The following ZBTB4 variants were observed in gnomAD, a reference collection of about 807,000 sequenced individuals.
The protein encoded by ZBTB4 is zinc finger and BTB domain containing 4, also known as zinc finger and BTB domain-containing protein 4.
Under a neutral mutation model 59.8 loss-of-function variants are expected in ZBTB4, and 14 were observed. The observed-to-expected ratio is 0.23, with a 90% CI of 0.15 to 0.37. ZBTB4 has a LOEUF of 0.37. Among genes scored for constraint, ZBTB4 ranks in the 10% least tolerant of loss-of-function variants. The pLI, the probability that ZBTB4 is intolerant of heterozygous loss-of-function variation, is 1.00. For synonymous variants in ZBTB4, 587 were observed against 575.2 expected (o/e 1.02, Z -0.29); for missense variants, 1,198 against 1,380.8 (o/e 0.87, Z 2.10).
Position 7,463,497 on chromosome 17 carries a change from C to A in ZBTB4, c.1485G>T (p.Gly495=). ...GGSSSGGGGS[G]TASTGGSQAA... ...CTTGGGACCCTCCTGTGCTGGCCGTCCCACTCCCCCCTCCACCACTGCTAC... is the reference window on the plus strand; with the variant it reads ...CTTGGGACCCTCCTGTGCTGGCCGTACCACTCCCCCCTCCACCACTGCTAC... Residue 495 remains glycine, a synonymous_variant, in exon 4 of 4, where the codon GGG becomes GGT. Coordinates refer to ENST00000380599, the MANE Select transcript of ZBTB4 (RefSeq NM_001128833.2). 1 of 1,549,770 alleles carries A rather than the reference C, an allele frequency of 6.5e-7. No homozygotes were observed.
At chr17:7,471,888 T>C (rs1210388744) in intron 1 of ZBTB4, among the ~76,000 whole-genome samples, 1 of 152,150 alleles carries the variant, frequency 6.6e-6, no homozygotes, top group African/African-American at 2.4e-5. Context: ...GGTGGCTCTG[T>C]GGTTTTAGAG....
upstream of ZBTB4, chr17:7,482,532 G>C: frequency 6.2e-7 from 1 of 1,613,044 alleles, no homozygotes; most frequent in Admixed American, 1.7e-5. Flanking sequence ...CTACAGGAGG[G>C]GATCACGGGT....
At chr17:7,482,835 C>A (rs1056423177), upstream of ZBTB4, 1 of 1,611,940 alleles carries the variant, frequency 6.2e-7, no homozygotes, top group African/African-American at 1.3e-5. Flanking sequence ...CTGGTGTGCG[C>A]TGTCCTGCAT....
upstream of ZBTB4, chr17:7,484,213 C>T (rs888407039): frequency 6.4e-6 from 1 of 156,578 alleles, no homozygotes; most frequent in Non-Finnish European, 1.4e-5. Flanking sequence ...TTCAAAAGGT[C>T]GCCCAACCAG....
intron 1 of ZBTB4, 110 bp downstream of exon 1, chr17:7,479,346 G>T (rs556323980): frequency 1.3e-5 from 2 of 152,190 alleles, no homozygotes; most frequent in African/African-American, 2.4e-5. Context: ...AAGGAGAGCG[G>T]TCTGGGCGCG....
Position 7,465,517 on chromosome 17 carries a change from T to A in ZBTB4, c.1091+194A>T, listed in dbSNP as rs147902106. 4.7e-3 allele frequency among the ~76,000 whole-genome samples: 708 copies of A among 151,922 alleles called. 39 individuals carry two copies. The highest frequency in any genetic ancestry group is 0.042 in the Admixed American group (634 of 15,266). On this transcript the variant is annotated intron_variant, in intron 3 of 3. Transcript: ENST00000380599. ...TGTTTGTAGAGATGGGGTCTCTATG[T>A]TGTCCAGGCTCGTCCCAGACTCCTG... is the stretch of plus-strand genomic sequence containing the variant.
At chr17:7,472,297 T>G (rs2070208759) in intron 1 of ZBTB4, among the ~76,000 whole-genome samples, 1 of 151,950 alleles carries the variant, frequency 6.6e-6, no homozygotes, top group Admixed American at 6.6e-5. Context: ...TTCAAGCGAT[T>G]CTCCTGCCTC....
chr17:7,461,423 A>C lies in ZBTB4; in HGVS notation c.*517T>G, dbSNP rs545116626. 1 of 153,052 alleles carries C rather than the reference A, an allele frequency of 6.5e-6. No individual in the cohort carries two copies. Among genetic ancestry groups the C allele is most frequent in the African/African-American group, 2.4e-5 (1 of 41,566 alleles). 9.5% of individuals were successfully genotyped at this position (153,052 alleles called of 1,614,324 possible). On this transcript the variant is annotated 3_prime_UTR_variant, in exon 4 of 4. Coordinates refer to ENST00000380599, the MANE Select transcript of ZBTB4 (RefSeq NM_001128833.2). ...CACGCTGGGGAAGGATGAAACCCAA[A>C]GCCACACTCCCAGGTGGGCGGGGTC...
At chr17:7,481,766 A>G (rs1158807415), upstream of ZBTB4, among the ~76,000 whole-genome samples, 1 of 152,136 alleles carries the variant, frequency 6.6e-6, no homozygotes, top group Admixed American at 6.5e-5. Context: ...TACCCAGGGA[A>G]ACGATGCTCC....
rs1217957155 is a variant in ZBTB4, at chr17:7,460,796, A to T, written c.*1144T>A. ...AGTCAAAGATGGGGTGTAAGGTGCT[A>T]TTTTGAAGGGAAAGTTGGTGGGGAT... On this transcript the variant is annotated 3_prime_UTR_variant, in exon 4 of 4. Transcript: ENST00000380599. The T allele has an allele frequency of 6.6e-6, 1 of 152,578 alleles. No homozygotes were observed. Among genetic ancestry groups the T allele is most frequent in the South Asian group, 2.1e-4 (1 of 4,824 alleles). The allele number at this position is 152,578 out of a possible 1,614,324, so 9.5% of individuals were successfully genotyped here.
At chr17:7,469,199 G>A (rs1196135467) in intron 1 of ZBTB4, among the ~76,000 whole-genome samples, 1 of 151,970 alleles carries the variant, frequency 6.6e-6, no homozygotes, top group African/African-American at 2.4e-5. Flanking sequence ...ATGGAGTCTC[G>A]CTCTGCGCCC....
intron 1 of ZBTB4, among the ~76,000 whole-genome samples, chr17:7,477,023 C>T (rs559396547): frequency 1.3e-5 from 2 of 152,324 alleles, no homozygotes; most frequent in African/African-American, 4.8e-5. Context: ...TGGACCTCAG[C>T]TGCCTCACTT....
rs192741835 is a variant in ZBTB4 at position 7,464,405 on chromosome 17, G to A, written c.1092-515C>T. On this transcript the variant is annotated intron_variant, in intron 3 of 3. Transcript: ENST00000380599. ...TGCACCACTGCACTCCCGCCTGGGC[G>A]ACAGAGTGAGACTCTGTCAAAAAAA... is the stretch of plus-strand genomic sequence containing the variant. 5.0e-3 allele frequency among the ~76,000 whole-genome samples: 706 copies of A among 139,832 alleles called. 6 individuals carry two copies. The highest frequency in any genetic ancestry group is 0.018 in the African/African-American group (670 of 37,086). The allele number at this position is 139,832 out of a possible 152,430, so 91.7% of individuals were successfully genotyped here. A position where few individuals can be genotyped will look rare whatever the true frequency, so the allele number is the denominator to read the frequency against.
intron 1 of ZBTB4, among the ~76,000 whole-genome samples, chr17:7,468,891 T>A (rs963160399): frequency 7.2e-5 from 11 of 152,214 alleles, no homozygotes; most frequent in African/African-American, 2.7e-4. Context: ...TAAACAGGGA[T>A]GATATTCCAA....
chr17:7,481,562 TC>T, upstream of ZBTB4: 1 of 1,407,932 alleles, frequency 7.1e-7, no homozygotes, highest in Non-Finnish European at 9.5e-7. Flanking sequence ...TCCCTATAGC[TC>T]CTGGTTGCTC....
In ZBTB4 at chr17:7,466,550, G is replaced by A; in HGVS notation, c.252C>T (p.Ala84=). 6.2e-7 allele frequency: 1 copy of A among 1,612,824 alleles called. No individual in the cohort carries two copies. The highest frequency in any genetic ancestry group is 8.5e-7 in the Non-Finnish European group (1 of 1,179,466). ...AAPNPATTTA[A]SSSSSSSSSS... ...ACGAGGAAGAGGAGGAGGAGGAAGA[G>A]GCAGCTGTGGTGGTGGCAGGGTTGG... is the stretch of plus-strand genomic sequence containing the variant. Residue 84 remains alanine, a synonymous_variant, in exon 3 of 4, where the codon GCC becomes GCT. Transcript: ENST00000380599. The surrounding 1 kb of genome is among the most constrained non-coding windows in gnomAD (Gnocchi z 9.1).
chr17:7,483,714 C>A (rs1008070708), upstream of ZBTB4, among the ~76,000 whole-genome samples: 4 of 152,228 alleles, frequency 2.6e-5, no homozygotes, highest in African/African-American at 9.7e-5. Flanking sequence ...GTCGCGGTCC[C>A]GTGATCTCTC....
chr17:7,479,971 C>T (rs978290703), upstream of ZBTB4, among the ~76,000 whole-genome samples: 3 of 152,028 alleles, frequency 2.0e-5, no homozygotes, highest in African/African-American at 7.3e-5. Flanking sequence ...AACACACAGG[C>T]TCTCAGGGTG....
upstream of ZBTB4, among the ~76,000 whole-genome samples, chr17:7,481,699 C>G (rs139622100): frequency 6.6e-6 from 1 of 152,182 alleles, no homozygotes; most frequent in Non-Finnish European, 1.5e-5. Context: ...GAGGCTTCCT[C>G]CCCTTCCTCA....
Sources: allele counts gnomAD v4.1 joint callset (sites outside exome capture counted in the v4.1 genomes callset), GRCh38; gene constraint gnomAD v4.1.1; non-coding constraint Gnocchi (gnomAD v3.1); transcripts MANE v1.5; gene names NCBI Gene and HGNC (gene_info 2026-07-23, HGNC 2026-07-21).